The following PGM5 variants were observed in gnomAD, a reference collection of about 807,000 sequenced individuals.
PGM5 encodes the protein phosphoglucomutase 5.
A neutral mutation model predicts 59.2 loss-of-function variants in PGM5; 23 were observed. The observed-to-expected ratio is 0.39, with a 90% CI of 0.28 to 0.55. PGM5 has a LOEUF of 0.55. Ranked by LOEUF, PGM5 falls within the 20% of genes least tolerant of loss-of-function variation. The probability of loss-of-function intolerance (pLI) is 0.66; values close to 1 mark genes in which losing one functional copy is unlikely to be tolerated. For synonymous variants in PGM5, 214 were observed against 286.0 expected, an observed-to-expected ratio of 0.75 and a Z score of 2.54; for missense variants, 574 against 748.3, an observed-to-expected ratio of 0.77 and a Z score of 2.72.
intron 10 of PGM5, among the ~76,000 whole-genome samples, chr9:68,506,022 G>A (rs1160834554): frequency 1.3e-5 from 2 of 152,096 alleles, no homozygotes; most frequent in Non-Finnish European, 2.9e-5. Flanking sequence ...AGTTCCAAAG[G>A]TTTTAGGAGC....
intron 6 of PGM5, among the ~76,000 whole-genome samples, chr9:68,427,716 G>T (rs957415780): frequency 1.3e-5 from 2 of 152,194 alleles, no homozygotes; most frequent in Non-Finnish European, 2.9e-5. Context: ...GTTTTCCTTG[G>T]CCTCAGACTC....
At chr9:68,357,882 T>C (rs1834497048) in intron 1 of PGM5, 1 of 206,556 alleles carries the variant, frequency 4.8e-6, no homozygotes, top group Non-Finnish European at 9.8e-6. Flanking sequence ...AAGTCTTAGC[T>C]CTGCCTATTT....
At chr9:68,523,861 T>A (rs1824933099) in intron 10 of PGM5, among the ~76,000 whole-genome samples, 1 of 152,192 alleles carries the variant, frequency 6.6e-6, no homozygotes, top group African/African-American at 2.4e-5. Flanking sequence ...TGATTATGAT[T>A]CTGGTTAGGG....
At chr9:68,488,914 C>T (rs535611447) in intron 9 of PGM5, among the ~76,000 whole-genome samples, 2 of 152,212 alleles carry the variant, frequency 1.3e-5, no homozygotes, top group African/African-American at 4.8e-5. Flanking sequence ...GATCAAATGG[C>T]TAAGTAGTTA....
intron 1 of PGM5, among the ~76,000 whole-genome samples, chr9:68,364,711 C>CCTTG (rs1434278441): frequency 1.3e-5 from 2 of 152,046 alleles, no homozygotes; most frequent in African/African-American, 4.8e-5. Flanking sequence ...TTACAGGAGC[C>CCTTG]CTTGGCTCCA....
chr9:68,423,069 G>C (rs1554682464), intron 6 of PGM5, among the ~76,000 whole-genome samples: 1 of 152,092 alleles, frequency 6.6e-6, no homozygotes, highest in Non-Finnish European at 1.5e-5. Flanking sequence ...CCTTTTTATG[G>C]CTGAGTAGTA....
chr9:68,391,938 G>T (rs1554679533), intron 5 of PGM5, among the ~76,000 whole-genome samples: 1 of 152,082 alleles, frequency 6.6e-6, no homozygotes, highest in Non-Finnish European at 1.5e-5. Flanking sequence ...GGCATACAAA[G>T]GTTGTTTATT....
intron 1 of PGM5, among the ~76,000 whole-genome samples, chr9:68,376,866 T>C (rs1221031753): frequency 7.0e-6 from 1 of 143,206 alleles, no homozygotes; most frequent in African/African-American, 2.6e-5. Flanking sequence ...TCTTTCTTTT[T>C]TCTTTCTCTT....
chr9:68,444,325 G>A (rs1823577023), intron 6 of PGM5, among the ~76,000 whole-genome samples: 1 of 152,054 alleles, frequency 6.6e-6, no homozygotes, highest in African/African-American at 2.4e-5. Flanking sequence ...TCTTTCCATA[G>A]GATTCAGTCA....
At chr9:68,468,682 G>A (rs1554686048) in intron 7 of PGM5, among the ~76,000 whole-genome samples, 1 of 152,084 alleles carries the variant, frequency 6.6e-6, no homozygotes, top group Non-Finnish European at 1.5e-5. Context: ...TTAACAGTTT[G>A]TTCTAATTGG....
At chr9:68,442,966 G>T (rs1449474887) in intron 6 of PGM5, among the ~76,000 whole-genome samples, 5 of 152,102 alleles carry the variant, frequency 3.3e-5, no homozygotes, top group African/African-American at 1.2e-4. Context: ...AATGCCAAAT[G>T]GGCCACTCTG....
chr9:68,363,997 A>G (rs1834632945), intron 1 of PGM5, among the ~76,000 whole-genome samples: 1 of 152,272 alleles, frequency 6.6e-6, no homozygotes, highest in Non-Finnish European at 1.5e-5. Context: ...TATGTATTGA[A>G]TATAACCTGT....
chr9:68,382,398 A>C (rs1378420596), intron 2 of PGM5, among the ~76,000 whole-genome samples: 1 of 151,894 alleles, frequency 6.6e-6, no homozygotes. Context: ...ATCTGAAACC[A>C]TAAAAATCCT....
At chr9:68,492,545 T>C (rs1188435399) in intron 9 of PGM5, among the ~76,000 whole-genome samples, 1 of 152,180 alleles carries the variant, frequency 6.6e-6, no homozygotes, top group Non-Finnish European at 1.5e-5. Flanking sequence ...CAGCTGAGTA[T>C]GGCTGTGCAG....
intron 7 of PGM5, among the ~76,000 whole-genome samples, chr9:68,468,288 A>G (rs1434298212): frequency 6.6e-6 from 1 of 152,168 alleles, no homozygotes; most frequent in Non-Finnish European, 1.5e-5. Flanking sequence ...GCTTATATAG[A>G]CTATTGTTCC....
chr9:68,394,647 G>T (rs151146232), intron 6 of PGM5, among the ~76,000 whole-genome samples: 6,993 of 151,354 alleles, frequency 0.046, 584 homozygotes, highest in East Asian at 0.4. Context: ...TAGAGAAAGG[G>T]TCTCACTCTG....
chr9:68,376,793 C>CTTTA (rs1204015214), intron 1 of PGM5, among the ~76,000 whole-genome samples: 1 of 105,760 alleles, frequency 9.5e-6, no homozygotes, highest in East Asian at 3.2e-4. Context: ...TTCTTTCTTT[C>CTTTA]TTTCTTTCTT....
intron 5 of PGM5, among the ~76,000 whole-genome samples, 192 bp downstream of exon 5, chr9:68,391,916 G>C (rs1301579254): frequency 1.3e-5 from 2 of 152,102 alleles, no homozygotes; most frequent in Non-Finnish European, 2.9e-5. Flanking sequence ...CTTAGTTCCA[G>C]ATTTACGTTA....
chr9:68,480,585 G>T (rs1554687057), intron 8 of PGM5, among the ~76,000 whole-genome samples: 1 of 152,050 alleles, frequency 6.6e-6, no homozygotes, highest in Non-Finnish European at 1.5e-5. Context: ...CACACCTGTA[G>T]CTACTAGGGA....
Sources: gnomAD v4.1 joint callset for allele counts (sites outside exome capture counted in the v4.1 genomes callset) on GRCh38, gnomAD v4.1.1 for gene constraint, MANE v1.5 for transcripts, NCBI Gene and HGNC (gene_info 2026-07-23, HGNC 2026-07-21) for gene names.